Variants in DAB1 observed in about 807,000 individuals in gnomAD.
DAB1 encodes DAB adaptor protein 1.
In DAB1, 15 loss-of-function variants were observed where a neutral mutation model predicts 64.6. The ratio of observed to expected loss-of-function variants is 0.23; its 90% CI spans 0.16 to 0.36. The LOEUF (loss-of-function observed/expected upper bound fraction) is 0.36. Ranked by LOEUF, DAB1 falls within the 10% of genes least tolerant of loss-of-function variation. The pLI is 1.00. For synonymous variants in DAB1, 235 were observed against 251.9 expected, an observed-to-expected ratio of 0.93 and a Z score of 0.64; for missense variants, 596 against 706.7, an observed-to-expected ratio of 0.84 and a Z score of 1.78.
At chr1:57,700,426 T>C (rs976164732) in intron 6 of DAB1, among the ~76,000 whole-genome samples, 1 of 152,178 alleles carries the variant, frequency 6.6e-6, no homozygotes, top group African/African-American at 2.4e-5. Flanking sequence ...CTACTTCACC[T>C]TCACCTTATT....
intron 5 of DAB1, among the ~76,000 whole-genome samples, chr1:58,014,342 C>T: frequency 6.6e-6 from 1 of 152,222 alleles, no homozygotes; most frequent in East Asian, 1.9e-4. Context: ...ATGCATCTGT[C>T]TTTGCATGAG....
At chr1:58,123,187 G>A (rs1028276100) in intron 5 of DAB1, among the ~76,000 whole-genome samples, 1 of 152,112 alleles carries the variant, frequency 6.6e-6, no homozygotes, top group Non-Finnish European at 1.5e-5. Context: ...TAGGCCCATG[G>A]GGAGAGAAAA....
chr1:57,099,487 A>G (rs1654471145), intron 4 of DAB1, among the ~76,000 whole-genome samples: 1 of 152,240 alleles, frequency 6.6e-6, no homozygotes, highest in Admixed American at 6.5e-5. Flanking sequence ...AAACACTAAT[A>G]GTGTAAGCTA....
At chr1:58,097,743 A>G (rs1011844684) in intron 5 of DAB1, among the ~76,000 whole-genome samples, 16 of 152,142 alleles carry the variant, frequency 1.1e-4, no homozygotes, top group East Asian at 5.8e-4. Flanking sequence ...AGAAGTGACT[A>G]GTGTCTGCAC....
intron 7 of DAB1, among the ~76,000 whole-genome samples, chr1:57,466,996 C>T (rs554330082): frequency 6.6e-6 from 1 of 152,302 alleles, no homozygotes; most frequent in African/African-American, 2.4e-5. Flanking sequence ...CATTTTGACA[C>T]ATAATGTGAC....
chr1:57,359,991 T>A (rs1017939511), intron 1 of DAB1, among the ~76,000 whole-genome samples: 2 of 151,950 alleles, frequency 1.3e-5, no homozygotes, highest in Non-Finnish European at 2.9e-5. Flanking sequence ...TAATCACAGT[T>A]AGATAGGAGG....
intron 5 of DAB1, among the ~76,000 whole-genome samples, chr1:58,025,115 ACT>A (rs1186600487): frequency 2.0e-5 from 3 of 150,130 alleles, no homozygotes; most frequent in Non-Finnish European, 4.4e-5. Flanking sequence ...TCTTTCACAC[ACT>A]CACACACACA....
chr1:57,189,270 T>G (rs1435917877), intron 2 of DAB1, among the ~76,000 whole-genome samples: 1 of 152,218 alleles, frequency 6.6e-6, no homozygotes, highest in Admixed American at 6.5e-5. Flanking sequence ...CAATGTAGTC[T>G]TTTATCAACA....
chr1:57,348,416 A>G (rs1179846882), intron 1 of DAB1, among the ~76,000 whole-genome samples: 1 of 152,190 alleles, frequency 6.6e-6, no homozygotes, highest in Non-Finnish European at 1.5e-5. Context: ...TATAAAAAAT[A>G]AATGGTTGCC....
chr1:58,352,339 C>G (rs966309153), intron 3 of DAB1, among the ~76,000 whole-genome samples: 3 of 152,112 alleles, frequency 2.0e-5, no homozygotes, highest in African/African-American at 7.2e-5. Flanking sequence ...ATGTGTGCAA[C>G]TCAACCTTCC....
At chr1:57,240,033 G>A (rs1043796176) in intron 2 of DAB1, among the ~76,000 whole-genome samples, 1 of 152,066 alleles carries the variant, frequency 6.6e-6, no homozygotes, top group Admixed American at 6.6e-5. Context: ...ATCTGTCTAG[G>A]GCACAATGCA....
chr1:57,574,603 A>G (rs1645229258), intron 7 of DAB1, among the ~76,000 whole-genome samples: 1 of 152,130 alleles, frequency 6.6e-6, no homozygotes, highest in Non-Finnish European at 1.5e-5. Context: ...AATTTCAGGA[A>G]ACTTTGCTCC....
At chr1:57,224,319 C>T (rs1268826362) in intron 2 of DAB1, among the ~76,000 whole-genome samples, 1 of 152,164 alleles carries the variant, frequency 6.6e-6, no homozygotes, top group East Asian at 1.9e-4. Flanking sequence ...CCCAATGTCT[C>T]CCCTGATCAC....
At chr1:57,019,228 G>A (rs1350805372) in intron 11 of DAB1, among the ~76,000 whole-genome samples, 1 of 152,166 alleles carries the variant, frequency 6.6e-6, no homozygotes, top group Non-Finnish European at 1.5e-5. Context: ...CCTACATAAA[G>A]GTAAATGAGT....
Position 58,308,879 on chromosome 1 carries a change from C to G in DAB1, n.309+34473G>C, listed in dbSNP as rs150095423. Among the ~76,000 whole-genome samples the G allele has an allele frequency of 2.3e-3, 351 of 152,276 alleles. 3 individuals carry two copies. The highest frequency in any genetic ancestry group is 6.2e-3 in the Admixed American group (95 of 15,294). ...GGCGCTCCCCATATTCCAAGGTCTACCTGGTCAAATCTCCAGAGAGAAAGA... is the reference window on the plus strand; with the variant it reads ...GGCGCTCCCCATATTCCAAGGTCTAGCTGGTCAAATCTCCAGAGAGAAAGA... On this transcript the variant is annotated intron_variant and non_coding_transcript_variant, in intron 4 of 20. Coordinates refer to the DAB1 transcript ENST00000485760.
At chr1:58,475,966 C>T (rs1473819820) in intron 3 of DAB1, among the ~76,000 whole-genome samples, 2 of 152,108 alleles carry the variant, frequency 1.3e-5, no homozygotes, top group Admixed American at 6.6e-5. Context: ...TTAAGTAGAA[C>T]ATCCACCATT....
In DAB1 at chr1:57,487,478, G is replaced by C. The variant is rs192159924; in HGVS notation, n.625+162114C>G. 4.1e-4 allele frequency among the ~76,000 whole-genome samples: 63 copies of C among 152,276 alleles called. No individual in the cohort carries two copies. In the East Asian group the frequency reaches 0.011, roughly 26 times the overall value. On this transcript the variant is annotated intron_variant and non_coding_transcript_variant, in intron 7 of 20. Transcript: ENST00000485760. ...GCACCAACACCCAGACCTTCCCTCT[G>C]TTTCAGGGTGAAGATCTGCTCTAGT...
At chr1:57,449,384 CTTT>C (rs11418578) in intron 7 of DAB1, among the ~76,000 whole-genome samples, 4 of 139,588 alleles carry the variant, frequency 2.9e-5, no homozygotes, top group Non-Finnish European at 3.1e-5. Flanking sequence ...TGTCTATCTG[CTTT>C]TTTTTTTTTT....
At position 57,282,182 on chromosome 1, in the gene DAB1, C is replaced by CAAAA. The variant is rs61512431; in HGVS notation, c.67+8778_67+8781dup. On this transcript the variant is annotated intron_variant, in intron 2 of 14. Transcript: ENST00000371236. ...TGGGTGACAGAGCAAGCCTTCTTCT[C>CAAAA]AAAAAAAAAAAAAAAAAAAAAAAAA... 3.8e-3 allele frequency among the ~76,000 whole-genome samples: 350 copies of CAAAA among 92,672 alleles called. 29 individuals carry two copies. Among genetic ancestry groups the CAAAA allele is most frequent in the Non-Finnish European group, 5.3e-3 (246 of 46,264 alleles). 60.8% of individuals were successfully genotyped at this position (92,672 alleles called of 152,430 possible).
Sources: allele counts gnomAD v4.1 joint callset (sites outside exome capture counted in the v4.1 genomes callset), GRCh38; gene constraint gnomAD v4.1.1; transcripts MANE v1.5; gene names NCBI Gene and HGNC (gene_info 2026-07-23, HGNC 2026-07-21).